Variants in MEI1 observed in about 807,000 individuals in gnomAD.
The protein encoded by MEI1 is meiosis inhibitor protein 1.
MEI1 carries 103 observed loss-of-function variants against 146.2 expected under a neutral mutation model. The ratio of observed to expected loss-of-function variants is 0.70; its 90% confidence interval spans 0.60 to 0.83. MEI1 has a LOEUF of 0.83. MEI1 is among the 40% of genes least tolerant of loss of function. The probability of loss-of-function intolerance (pLI) is 0.00; values close to 1 mark genes in which losing one functional copy is unlikely to be tolerated. For synonymous variants in MEI1, 652 were observed against 628.2 expected, an observed-to-expected ratio of 1.04 and a Z score of -0.57; for missense variants, 1,529 against 1,533.0, an observed-to-expected ratio of 1.00 and a Z score of 0.04.
At chr22:41,754,361 C>T (rs1014394613) in intron 17 of MEI1, among the ~76,000 whole-genome samples, 7 of 152,142 alleles carry the variant, frequency 4.6e-5, no homozygotes, top group Non-Finnish European at 8.8e-5. Context: ...GTCCAGTGTT[C>T]ACTATAGCAT....
intron 3 of MEI1, among the ~76,000 whole-genome samples, chr22:41,708,952 G>T (rs1218420007): frequency 1.3e-5 from 2 of 152,136 alleles, no homozygotes; most frequent in Non-Finnish European, 2.9e-5. Context: ...AAGTGGCCAC[G>T]TGTGTCAAAG....
chr22:41,763,048 T>C (rs754545992), intron 18 of MEI1, 126 bp from the exon 19 acceptor site: 22 of 925,604 alleles, frequency 2.4e-5, no homozygotes, highest in Non-Finnish European at 3.4e-5. Context: ...TTGTCTAAGA[T>C]GTCATTAGGC....
chr22:41,795,598 CT>C lies in MEI1; in HGVS notation c.3666+58del. ...TGTAAAGCTAGACCCTCAACACCATCTTCTCTTGGAGGGTGGGAGCTCTGGC... is the reference window on the plus strand; with the variant it reads ...TGTAAAGCTAGACCCTCAACACCATCTCTCTTGGAGGGTGGGAGCTCTGGC... On this transcript the variant is annotated intron_variant, in intron 29 of 30. Transcript: ENST00000401548. The surrounding 1 kb of genome is among the most constrained non-coding windows in gnomAD (Gnocchi z 4.2). The C allele has an allele frequency of 6.2e-7, 1 of 1,609,242 alleles. No homozygotes were observed. The highest frequency in any genetic ancestry group is 8.5e-7 in the Non-Finnish European group (1 of 1,176,952).
At chr22:41,706,296 G>T (rs1361095427) in intron 3 of MEI1, among the ~76,000 whole-genome samples, 1 of 152,110 alleles carries the variant, frequency 6.6e-6, no homozygotes, top group East Asian at 1.9e-4. Context: ...GGGATTATAG[G>T]CGTGAGTCAC....
intron 11 of MEI1, among the ~76,000 whole-genome samples, chr22:41,735,361 A>G (rs1182383587): frequency 6.7e-6 from 1 of 149,608 alleles, no homozygotes; most frequent in Non-Finnish European, 1.5e-5. Context: ...CAGCCTCCCG[A>G]GTAGCTGGGA....
In MEI1 at chr22:41,743,188, G is replaced by T. The variant is rs756386772; in HGVS notation, c.1440G>T (p.Arg480Ser). Residue 480 changes from arginine to serine, a missense_variant, in exon 12 of 31, where the codon AGG (arginine) becomes AGT (serine). This residue lies in a region of MEI1 where 1,212 missense variants were observed against 1,178.9 expected (regional missense o/e 1.03). Transcript: ENST00000401548. Reference sequence around the variant, plus strand: ...TTTCCCAGACCTTGCTGAGCAGGAGGCCCCTGGTCAGTGTACTGCAGCCTG... The same window carrying T: ...TTTCCCAGACCTTGCTGAGCAGGAGTCCCCTGGTCAGTGTACTGCAGCCTG... ...AEFSQTLLSR[R>S]PLGHASSRDS... 2.5e-6 allele frequency: 4 copies of T among 1,611,258 alleles called. No individual in the cohort carries two copies. Among genetic ancestry groups the T allele is most frequent in the Non-Finnish European group, 3.4e-6 (4 of 1,178,146 alleles).
At chr22:41,755,858 T>G (rs900794352) in intron 17 of MEI1, among the ~76,000 whole-genome samples, 20 of 152,148 alleles carry the variant, frequency 1.3e-4, no homozygotes, top group African/African-American at 4.6e-4. Context: ...CAAATTGCTG[T>G]GGGACATGCG....
chr22:41,778,257 T>A (rs2075570251), intron 21 of MEI1, among the ~76,000 whole-genome samples: 1 of 152,174 alleles, frequency 6.6e-6, no homozygotes, highest in Non-Finnish European at 1.5e-5. Context: ...TCTACCCTCA[T>A]GATTCAGTCA....
At chr22:41,760,171 G>C (rs373512287) in intron 18 of MEI1, among the ~76,000 whole-genome samples, 3 of 151,168 alleles carry the variant, frequency 2.0e-5, no homozygotes, top group Admixed American at 1.3e-4. Context: ...TTAGCCGGGC[G>C]TGGTGGTGGG....
intron 26 of MEI1, among the ~76,000 whole-genome samples, chr22:41,789,619 T>C (rs1350880076): frequency 1.3e-5 from 2 of 152,224 alleles, no homozygotes; most frequent in African/African-American, 4.8e-5. Context: ...TGAAACTCTG[T>C]ACCCATTAAA....
intron 21 of MEI1, 73 bp from the exon 22 acceptor site, chr22:41,778,635 G>C: frequency 8.4e-7 from 1 of 1,184,886 alleles, no homozygotes; most frequent in African/African-American, 1.5e-5. Flanking sequence ...GGCCATTGAA[G>C]CAGGGCAGGG....
intron 1 of MEI1, among the ~76,000 whole-genome samples, 165 bp from the exon 2 acceptor site, chr22:41,703,166 C>T (rs147022509): frequency 2.6e-5 from 4 of 152,158 alleles, no homozygotes; most frequent in African/African-American, 7.2e-5. Flanking sequence ...GATTCCTCTG[C>T]GTAAATGATA....
rs142296689 is a variant in MEI1 at position 41,706,677 on chromosome 22, G to C, written c.349+1123G>C. Among the ~76,000 whole-genome samples, 143 of 151,692 alleles carry C rather than the reference G, an allele frequency of 9.4e-4. 1 individual carries two copies. In the Middle Eastern group the frequency reaches 0.01, roughly 11 times the overall value. ...GACAGTGAGCTATGATCATCCCACT[G>C]CACTCTAGCGTGGATGACAAAGTGA... On this transcript the variant is annotated intron_variant, in intron 3 of 30. Coordinates refer to ENST00000401548, the MANE Select transcript of MEI1 (RefSeq NM_152513.4).
chr22:41,799,057 T>A (rs1351376926), intron 30 of MEI1, among the ~76,000 whole-genome samples, 197 bp from the exon 31 acceptor site: 1 of 152,142 alleles, frequency 6.6e-6, no homozygotes, highest in Non-Finnish European at 1.5e-5. Flanking sequence ...CCTTGCCCCT[T>A]CCGTGCAATA....
rs374182942 is a variant in MEI1 at position 41,795,540 on chromosome 22, C to G, written c.3664C>G (p.Gln1222Glu). 87 of 1,613,660 alleles carry G rather than the reference C, an allele frequency of 5.4e-5. No individual in the cohort carries two copies. Among genetic ancestry groups the G allele is most frequent in the Non-Finnish European group, 7.0e-5 (83 of 1,179,836 alleles). Residue 1222 changes from glutamine (Q) to glutamate (E), a missense_variant and splice_region_variant, in exon 29 of 31, where the codon CAG becomes GAG. Around this residue, in one of 3 missense-constraint regions of MEI1, gnomAD observed 313 missense variants for 337.3 expected, o/e 0.93. Coordinates refer to ENST00000401548, the MANE Select transcript of MEI1 (RefSeq NM_152513.4). The surrounding 1 kb of genome is among the most constrained non-coding windows in gnomAD (Gnocchi z 4.2). ...TLQALHGFFQ[Q>E]LQSMGHLADH... ...CCAGGCCCTGCATGGCTTCTTCCAG[C>G]AGGTGGGTGGGAAGGGGAGGCCATG...
chr22:41,712,225 T>G (rs1165399608), intron 3 of MEI1, among the ~76,000 whole-genome samples: 2 of 54,864 alleles, frequency 3.6e-5, no homozygotes, highest in African/African-American at 1.4e-4. Context: ...AAGCATTGTG[T>G]TTTTTTTGTT....
chr22:41,703,273 G>A lies in MEI1; in HGVS notation c.175-58G>A, dbSNP rs2068847966. 6.3e-6 allele frequency: 10 copies of A among 1,577,686 alleles called. No individual in the cohort carries two copies. The South Asian group carries it at 8.0e-5, about 13-fold the overall frequency. On this transcript the variant is annotated intron_variant, in intron 1 of 30. Transcript: ENST00000401548. ...ATTGTATTTGGAAATTACGGTTGTT[G>A]GATTCAGAATAGCCAAAATTTGGTT...
At chr22:41,746,072 A>G (rs2073261312) in intron 14 of MEI1, 46 bp downstream of exon 14, 3 of 1,520,994 alleles carry the variant, frequency 2.0e-6, no homozygotes, top group Non-Finnish European at 2.7e-6. Context: ...GGGGAAGAGA[A>G]GAATGTGCAG....
At chr22:41,718,523 G>A (rs944029075) in intron 6 of MEI1, among the ~76,000 whole-genome samples, 4 of 152,152 alleles carry the variant, frequency 2.6e-5, no homozygotes, top group Non-Finnish European at 5.9e-5. Flanking sequence ...TTTACTGCCT[G>A]CCCTGGTGCA....
Sources: allele counts gnomAD v4.1 joint callset (sites outside exome capture counted in the v4.1 genomes callset), GRCh38; gene constraint gnomAD v4.1.1; regional missense constraint gnomAD v4.1.1; non-coding constraint Gnocchi (gnomAD v3.1); transcripts MANE v1.5; gene names NCBI Gene and HGNC (gene_info 2026-07-23, HGNC 2026-07-21).